ANAPC4: variants seen among roughly 807,000 people sequenced by gnomAD.
ANAPC4 encodes the protein anaphase-promoting complex subunit 4.
ANAPC4 carries 63 observed loss-of-function variants against 119.8 expected under a neutral mutation model. The observed-to-expected ratio is 0.53, with a 90% CI of 0.43 to 0.65. The LOEUF (loss-of-function observed/expected upper bound fraction) is 0.65. Ranked by LOEUF, ANAPC4 falls within the 30% of genes least tolerant of loss-of-function variation. The pLI, the probability that ANAPC4 is intolerant of heterozygous loss-of-function variation, is 0.00. For missense variants in ANAPC4, 716 were observed against 945.1 expected (o/e 0.76, Z 3.18); for synonymous variants, 283 against 318.6 (o/e 0.89, Z 1.19).
At chr4:25,417,427 T>C (rs961905175) in intron 27 of ANAPC4, 189 bp from the exon 28 acceptor site, 1 of 538,468 alleles carries the variant, frequency 1.9e-6, no homozygotes, top group Non-Finnish European at 2.8e-6. Context: ...AGCCAGAATA[T>C]AGAATATGGA....
In ANAPC4 at chr4:25,380,369, C is replaced by T. The variant is rs753366431; in HGVS notation, c.130-5C>T. The T allele has an allele frequency of 2.4e-5, 39 of 1,605,444 alleles. No individual in the cohort carries two copies. In the South Asian group the frequency reaches 3.0e-4, roughly 12 times the overall value. Reference sequence around the variant, plus strand: ...TTTCCTGCCATTATATCTGCTTTGTCTTAGGTTTTACTTCATCGACTGGCA... The same window carrying T: ...TTTCCTGCCATTATATCTGCTTTGTTTTAGGTTTTACTTCATCGACTGGCA... On this transcript the variant is annotated splice_polypyrimidine_tract_variant and splice_region_variant and intron_variant, in intron 2 of 28. Coordinates refer to ENST00000315368, the MANE Select transcript of ANAPC4 (RefSeq NM_013367.3).
At chr4:25,417,529 C>A in intron 27 of ANAPC4, 87 bp from the exon 28 acceptor site, 2 of 1,337,648 alleles carry the variant, frequency 1.5e-6, no homozygotes, top group Middle Eastern at 2.0e-4. Flanking sequence ...AAGTCAAAAC[C>A]ATAATTGACC....
At chr4:25,417,854 G>C in intron 28 of ANAPC4, 115 bp downstream of exon 28, 2 of 1,359,842 alleles carry the variant, frequency 1.5e-6, no homozygotes, top group Non-Finnish European at 2.0e-6. Flanking sequence ...TATTTTTACT[G>C]TGATTTATAG....
chr4:25,390,392 A>G (rs901325228), intron 8 of ANAPC4, among the ~76,000 whole-genome samples, 172 bp downstream of exon 8: 9 of 152,194 alleles, frequency 5.9e-5, no homozygotes, highest in Admixed American at 1.3e-4. Context: ...TGATATGTCT[A>G]TAAAGATTGG....
Position 25,377,293 on chromosome 4 carries a change from G to T in ANAPC4, c.-62G>T. 2 of 1,250,380 alleles carry T rather than the reference G, an allele frequency of 1.6e-6. No homozygotes were observed. The highest frequency in any genetic ancestry group is 2.2e-6 in the Non-Finnish European group (2 of 928,838). The allele number at this position is 1,250,380 out of a possible 1,614,324, so 77.5% of individuals were successfully genotyped here. On this transcript the variant is annotated 5_prime_UTR_variant, in exon 1 of 29. Transcript: ENST00000315368. Reference sequence around the variant, plus strand: ...GGCTGTGGCGCGCGGCCGGCAGAGGGAGGGGAGAGGCCACTGGGGCCGTGT... The same window carrying T: ...GGCTGTGGCGCGCGGCCGGCAGAGGTAGGGGAGAGGCCACTGGGGCCGTGT...
Position 25,409,741 on chromosome 4 carries a change from C to T in ANAPC4, c.1475C>T (p.Thr492Ile), listed in dbSNP as rs758241289. The T allele has an allele frequency of 6.2e-7, 1 of 1,613,346 alleles. No homozygotes were observed. The highest frequency in any genetic ancestry group is 1.1e-5 in the South Asian group (1 of 91,022). ...GATGATCTTGTGTCACCCCCTAACA[C>T]AGAAGGAAACCAGTGGTATGACTTT... Reference protein sequence around the residue: ...EDDDLVSPPNTEGNQWYDFLQ... With the variant: ...EDDDLVSPPNIEGNQWYDFLQ... Residue 492 changes from threonine to isoleucine, a missense_variant, in exon 21 of 29, where the codon ACA becomes ATA. This residue lies in a region of ANAPC4 where 504 missense variants were observed against 615.8 expected (regional missense o/e 0.82). Coordinates refer to ENST00000315368, the MANE Select transcript of ANAPC4 (RefSeq NM_013367.3).
chr4:25,392,929 A>G (rs1722432793), intron 10 of ANAPC4, among the ~76,000 whole-genome samples: 1 of 152,178 alleles, frequency 6.6e-6, no homozygotes, highest in Non-Finnish European at 1.5e-5. Flanking sequence ...AGGCTTGTCC[A>G]CATGGTGGTG....
At chr4:25,380,353 A>G (rs1721644660) in intron 2 of ANAPC4, 21 bp from the exon 3 acceptor site, 4 of 1,570,124 alleles carry the variant, frequency 2.5e-6, no homozygotes, top group East Asian at 2.2e-5. Context: ...ATTTCCTGCC[A>G]TTATATCTGC....
At chr4:25,412,432 C>A (rs1438369386) in intron 21 of ANAPC4, among the ~76,000 whole-genome samples, 4 of 151,912 alleles carry the variant, frequency 2.6e-5, no homozygotes, top group African/African-American at 4.8e-5. Flanking sequence ...AAGGCTTGGT[C>A]TTTTTGGTGG....
Position 25,409,716 on chromosome 4 carries a change from GA to G in ANAPC4, c.1451del (p.Asp484ValfsTer42). The G allele has an allele frequency of 6.2e-7, 1 of 1,611,584 alleles. No individual in the cohort carries two copies. The highest frequency in any genetic ancestry group is 8.5e-7 in the Non-Finnish European group (1 of 1,178,192). On this transcript the variant is annotated frameshift_variant, in exon 21 of 29. Transcript: ENST00000315368. LOFTEE classifies it high-confidence loss of function. ...RVGQYLKDED[D>X]DLVSPPNTEG... ...TTTCTAGTACTTGAAAGATGAAGAT[GA>G]TGATCTTGTGTCACCCCCTAACACA...
In ANAPC4 at chr4:25,414,455, T is replaced by G. The variant is rs1001760308; in HGVS notation, c.1686-11T>G. 27 of 1,599,090 alleles carry G rather than the reference T, an allele frequency of 1.7e-5. No individual in the cohort carries two copies. Among genetic ancestry groups the G allele is most frequent in the Non-Finnish European group, 2.2e-5 (26 of 1,169,864 alleles). On this transcript the variant is annotated splice_polypyrimidine_tract_variant and intron_variant, in intron 23 of 28. Transcript: ENST00000315368. ...TAAATTTTTCTCATTTCTTTTTCCC[T>G]TTTATTTTAGTGAGGATTCTACACG...
At chr4:25,393,697 A>C (rs1577380875) in intron 10 of ANAPC4, 108 bp from the exon 11 acceptor site, 1 of 583,766 alleles carries the variant, frequency 1.7e-6, no homozygotes, top group Non-Finnish European at 2.9e-6. Context: ...AGTGATTGAA[A>C]GTAAATTCTA....
intron 4 of ANAPC4, 88 bp downstream of exon 4, chr4:25,383,481 G>T: frequency 8.1e-7 from 1 of 1,235,998 alleles, no homozygotes; most frequent in East Asian, 2.6e-5. Flanking sequence ...AGTATTGGGT[G>T]TATGTGCGTT....
At chr4:25,400,116 T>C (rs1431104497) in intron 16 of ANAPC4, among the ~76,000 whole-genome samples, 1 of 152,204 alleles carries the variant, frequency 6.6e-6, no homozygotes, top group Non-Finnish European at 1.5e-5. Context: ...ACAGCAAATA[T>C]AGCCTCTTGA....
At position 25,418,482 on chromosome 4, in the gene ANAPC4, T is replaced by C; in HGVS notation, c.*100T>C. ...CTTTGTGTAACAAAGAAATAAACAG[T>C]AAATTTTATTTTTTCATATTCTGCT... On this transcript the variant is annotated 3_prime_UTR_variant, in exon 29 of 29. Coordinates refer to ENST00000315368, the MANE Select transcript of ANAPC4 (RefSeq NM_013367.3). The C allele has an allele frequency of 1.0e-6, 1 of 963,254 alleles. No individual in the cohort carries two copies. The highest frequency in any genetic ancestry group is 1.5e-6 in the Non-Finnish European group (1 of 650,082). 59.7% of individuals were successfully genotyped at this position (963,254 alleles called of 1,614,324 possible).
chr4:25,381,518 G>T (rs1721726157), intron 3 of ANAPC4, among the ~76,000 whole-genome samples: 1 of 152,126 alleles, frequency 6.6e-6, no homozygotes, highest in African/African-American at 2.4e-5. Context: ...CACTGTGTTG[G>T]CCAGGCTGGT....
At chr4:25,378,927 A>G (rs1295741416) in intron 2 of ANAPC4, among the ~76,000 whole-genome samples, 1 of 152,226 alleles carries the variant, frequency 6.6e-6, no homozygotes, top group Non-Finnish European at 1.5e-5. Flanking sequence ...AGTTGAAGTT[A>G]CGTGCAAGAG....
chr4:25,384,344 T>C lies in ANAPC4; in HGVS notation c.368+951T>C, dbSNP rs375527053. Among the ~76,000 whole-genome samples the C allele has an allele frequency of 2.0e-5, 3 of 152,244 alleles. No individual in the cohort carries two copies. In the East Asian group the frequency reaches 5.8e-4, roughly 29 times the overall value. ...AACCCCTCAAAGTCATCCATGAGGGTTGGAATCAACTTCTTCCAAACTCCT... is the reference window on the plus strand; with the variant it reads ...AACCCCTCAAAGTCATCCATGAGGGCTGGAATCAACTTCTTCCAAACTCCT... On this transcript the variant is annotated intron_variant, in intron 4 of 28. Transcript: ENST00000315368.
chr4:25,394,264 AT>A, intron 11 of ANAPC4, 45 bp from the exon 12 acceptor site: 1 of 1,464,718 alleles, frequency 6.8e-7, no homozygotes, highest in Non-Finnish European at 9.3e-7. Flanking sequence ...TATGCTTATA[AT>A]TTAAGAAATA....
Sources: allele counts gnomAD v4.1 joint callset (sites outside exome capture counted in the v4.1 genomes callset), GRCh38; gene constraint gnomAD v4.1.1; regional missense constraint gnomAD v4.1.1; transcripts MANE v1.5; gene names NCBI Gene and HGNC (gene_info 2026-07-23, HGNC 2026-07-21).